OTUD7A: variants seen among roughly 807,000 people sequenced by gnomAD.
The protein encoded by OTUD7A is OTU deubiquitinase 7A, also known as OTU domain-containing protein 7A.
OTUD7A carries 12 observed loss-of-function variants against 65.7 expected under a neutral mutation model. The ratio of observed to expected loss-of-function variants is 0.18; its 90% CI spans 0.12 to 0.30. The LOEUF is 0.30. OTUD7A is among the 10% of genes least tolerant of loss of function. The pLI is 1.00. For synonymous variants in OTUD7A, 641 were observed against 586.3 expected (o/e 1.09, Z -1.35); for missense variants, 1,148 against 1,304.8 (o/e 0.88, Z 1.85).
At chr15:31,842,323 C>G (rs1897203133) in intron 1 of OTUD7A, among the ~76,000 whole-genome samples, 1 of 152,234 alleles carries the variant, frequency 6.6e-6, no homozygotes, top group South Asian at 2.1e-4. Flanking sequence ...ATTTATTAAG[C>G]TGCAAACTTC....
At position 31,481,322 on chromosome 15, in the gene OTUD7A, C is replaced by T. The variant is rs1268415646; in HGVS notation, c.*1972G>A. On this transcript the variant is annotated 3_prime_UTR_variant, in exon 13 of 13. Transcript: ENST00000307050. The stretch of plus-strand genomic sequence containing the variant: ...GAGCATGAGGAGTGGCTGGCATCCA[C>T]ACCTGAAGCAACACTTTCTGTGATC... The T allele has an allele frequency of 6.6e-6, 1 of 152,210 alleles. No homozygotes were observed. Among genetic ancestry groups the T allele is most frequent in the Non-Finnish European group, 1.5e-5 (1 of 68,038 alleles). 9.4% of individuals were successfully genotyped at this position (152,210 alleles called of 1,614,324 possible).
rs1241146377 is a variant in OTUD7A at position 31,482,045 on chromosome 15, C to T, written c.*1249G>A. 1 of 152,254 alleles carries T rather than the reference C, an allele frequency of 6.6e-6. No homozygotes were observed. The highest frequency in any genetic ancestry group is 2.4e-5 in the African/African-American group (1 of 41,458). 9.4% of individuals were successfully genotyped at this position (152,254 alleles called of 1,614,324 possible). On this transcript the variant is annotated 3_prime_UTR_variant, in exon 13 of 13. Transcript: ENST00000307050. The stretch of plus-strand genomic sequence containing the variant: ...AGTGTCCTTGGCCAAGAACGGTGTT[C>T]TCCGGAGGTAATCTTGGAAGGAAGA...
chr15:31,703,168 T>C (rs963648329), intron 1 of OTUD7A, among the ~76,000 whole-genome samples: 6 of 151,970 alleles, frequency 3.9e-5, no homozygotes, highest in South Asian at 2.1e-4. Flanking sequence ...AAAATAAACA[T>C]ACGAGAAAAT....
chr15:31,632,156 A>G (rs1156738086), intron 3 of OTUD7A, among the ~76,000 whole-genome samples: 1 of 152,044 alleles, frequency 6.6e-6, no homozygotes, highest in Non-Finnish European at 1.5e-5. Context: ...TTGGAGGAGG[A>G]GAGGTGCTCT....
chr15:31,683,745 C>T (rs879919415), intron 1 of OTUD7A, among the ~76,000 whole-genome samples: 1 of 152,042 alleles, frequency 6.6e-6, no homozygotes, highest in Non-Finnish European at 1.5e-5. Flanking sequence ...GATTAATAAC[C>T]TTGGAAACCT....
At chr15:31,598,670 C>T (rs1197504116) in intron 3 of OTUD7A, among the ~76,000 whole-genome samples, 1 of 152,132 alleles carries the variant, frequency 6.6e-6, no homozygotes, top group Non-Finnish European at 1.5e-5. Context: ...GTTCACTCTC[C>T]TGGAGATGGG....
intron 3 of OTUD7A, among the ~76,000 whole-genome samples, chr15:31,639,284 T>C (rs1179876754): frequency 2.0e-5 from 3 of 151,932 alleles, no homozygotes; most frequent in African/African-American, 7.3e-5. Flanking sequence ...TTGTCTCACT[T>C]CTTTCACTTC....
intron 10 of OTUD7A, among the ~76,000 whole-genome samples, chr15:31,492,582 C>CAAAAAA: frequency 8.2e-6 from 1 of 121,656 alleles, no homozygotes; most frequent in South Asian, 2.7e-4. Flanking sequence ...GACTCTGTCT[C>CAAAAAA]AAAAAAAAAA....
At chr15:31,574,585 A>G (rs145226012) in intron 3 of OTUD7A, among the ~76,000 whole-genome samples, 70 of 152,362 alleles carry the variant, frequency 4.6e-4, no homozygotes, top group African/African-American at 1.6e-3. Context: ...AATTCAGGCC[A>G]AAAAGCATTA....
rs181874409 is a variant in OTUD7A at position 31,755,476 on chromosome 15, C to T, written c.-99-98399G>A. Among the ~76,000 whole-genome samples the T allele has an allele frequency of 8.1e-4, 123 of 152,220 alleles. 1 individual carries two copies. Among genetic ancestry groups the T allele is most frequent in the South Asian group, 2.3e-3 (11 of 4,806 alleles). Reference sequence around the variant, plus strand: ...GCAGCTCACGCCTGTAATACCAGCACTTTGGGAGGCCGAGGTGGGTGGATC... The same window carrying T: ...GCAGCTCACGCCTGTAATACCAGCATTTTGGGAGGCCGAGGTGGGTGGATC... On this transcript the variant is annotated intron_variant, in intron 1 of 12. Coordinates refer to ENST00000307050, the MANE Select transcript of OTUD7A (RefSeq NM_001382637.1).
rs769954144 is a variant in OTUD7A, at chr15:31,483,458, G to C, written c.2638C>G (p.Arg880Gly). ...EFADADAPTA[R>G]SNGECGRGGP... is the part of the protein sequence containing the mutation. ...CCACGGCCGCACTCACCGTTCGAGC[G>C]CGCGGTCGGCGCGTCGGCGTCGGCG... is the stretch of plus-strand genomic sequence containing the variant. Residue 880 changes from arginine to glycine, a missense_variant, in exon 13 of 13, where the codon CGC becomes GGC. By Grantham distance (125) the Arg-to-Gly change is moderately radical. This residue lies in a region of OTUD7A where 842 missense variants were observed against 769.5 expected (regional missense o/e 1.09). Transcript: ENST00000307050. 2.5e-5 allele frequency: 34 copies of C among 1,378,840 alleles called. No individual in the cohort carries two copies. In the South Asian group the frequency reaches 4.8e-4, roughly 19 times the overall value. 85.4% of individuals were successfully genotyped at this position (1,378,840 alleles called of 1,614,324 possible).
At chr15:31,818,950 A>T (rs1595791049) in intron 1 of OTUD7A, among the ~76,000 whole-genome samples, 1 of 152,310 alleles carries the variant, frequency 6.6e-6, no homozygotes, top group Non-Finnish European at 1.5e-5. Flanking sequence ...GGAGGACAAA[A>T]GGTCAGTCCT....
At chr15:31,552,395 T>C (rs1254242565) in intron 5 of OTUD7A, among the ~76,000 whole-genome samples, 1 of 152,226 alleles carries the variant, frequency 6.6e-6, no homozygotes, top group East Asian at 1.9e-4. Flanking sequence ...CTGGAGAAGA[T>C]AACTTAGTAT....
chr15:31,670,950 G>C, intron 1 of OTUD7A, among the ~76,000 whole-genome samples: 1 of 151,754 alleles, frequency 6.6e-6, no homozygotes, highest in South Asian at 2.1e-4. Context: ...AGCCGAGATT[G>C]CACCACTGCA....
rs1422289301 is a variant in OTUD7A, at chr15:31,697,183, T to C, written c.-99-40106A>G. On this transcript the variant is annotated intron_variant, in intron 1 of 12. Transcript: ENST00000307050. Reference sequence around the variant, plus strand: ...ACGCCAATCCCAGGGCCCAGTGACATGTCCAGGTGACCTGGGATTTCCCGA... The same window carrying C: ...ACGCCAATCCCAGGGCCCAGTGACACGTCCAGGTGACCTGGGATTTCCCGA... 2.0e-5 allele frequency among the ~76,000 whole-genome samples: 2 copies of C among 99,880 alleles called. 1 individual carries two copies. Among genetic ancestry groups the C allele is most frequent in the Non-Finnish European group, 5.0e-5 (2 of 39,688 alleles). The allele number at this position is 99,880 out of a possible 152,430, so 65.5% of individuals were successfully genotyped here. A position where few individuals can be genotyped will look rare whatever the true frequency, so the allele number is the denominator to read the frequency against.
chr15:31,526,441 C>A lies in OTUD7A; in HGVS notation c.801G>T (p.Glu267Asp), dbSNP rs1334814967. 6.2e-7 allele frequency: 1 copy of A among 1,600,850 alleles called. No individual in the cohort carries two copies. The highest frequency in any genetic ancestry group is 1.7e-5 in the Admixed American group (1 of 59,680). ...QNKESGLVYT[E>D]EEWEREWTEL... ...CCGTCCACTCCCGCTCCCACTCCTC[C>A]TCTGTGTACACCAGCCCTGACTGGC... Residue 267 changes from glutamate to aspartate, a missense_variant, in exon 8 of 13, where the codon GAG (glutamate) becomes GAT (aspartate). Physicochemically the swap from Glu to Asp is conservative, Grantham distance 45. This residue lies in a region of OTUD7A where 134 missense variants were observed against 252.6 expected (regional missense o/e 0.53). Coordinates refer to ENST00000307050, the MANE Select transcript of OTUD7A (RefSeq NM_001382637.1).
At position 31,549,179 on chromosome 15, in the gene OTUD7A, T is replaced by C. The variant is rs796381580; in HGVS notation, c.550+9790A>G. On this transcript the variant is annotated intron_variant, in intron 5 of 12. Transcript: ENST00000307050. ...AAAAGTAGAATTCAGTCCAAATGCA[T>C]GCCTGCCTCTAGGCACAGTGTGCTG... Among the ~76,000 whole-genome samples, 52 of 149,986 alleles carry C rather than the reference T, an allele frequency of 3.5e-4. 1 individual carries two copies. The highest frequency in any genetic ancestry group is 1.3e-3 in the African/African-American group (52 of 40,826).
intron 1 of OTUD7A, among the ~76,000 whole-genome samples, chr15:31,663,703 G>A (rs527877511): frequency 6.9e-4 from 105 of 152,098 alleles, no homozygotes; most frequent in African/African-American, 2.5e-3. Context: ...AGTTATTGGG[G>A]TACAGGTGGT....
chr15:31,544,809 T>C (rs1888082865), intron 5 of OTUD7A, among the ~76,000 whole-genome samples: 1 of 151,874 alleles, frequency 6.6e-6, no homozygotes. Context: ...ATAATTAACA[T>C]ATATAAAAAG....
Sources: gnomAD v4.1 joint callset for allele counts (sites outside exome capture counted in the v4.1 genomes callset) on GRCh38, gnomAD v4.1.1 for gene constraint, gnomAD v4.1.1 regional missense constraint, MANE v1.5 for transcripts, NCBI Gene and HGNC (gene_info 2026-07-23, HGNC 2026-07-21) for gene names.